The following DTNB variants were observed in gnomAD, a reference collection of about 807,000 sequenced individuals.
DTNB encodes DTN-B.
A neutral mutation model predicts 90.7 loss-of-function variants in DTNB; 63 were observed. The ratio of observed to expected loss-of-function variants is 0.69; its 90% confidence interval spans 0.57 to 0.86. The LOEUF (loss-of-function observed/expected upper bound fraction) is 0.86, where lower values mean the gene tolerates loss of function less well. Ranked by LOEUF, DTNB falls within the 40% of genes least tolerant of loss-of-function variation. DTNB has a pLI of 0.00. For synonymous variants in DTNB, 277 were observed against 286.7 expected, an observed-to-expected ratio of 0.97 and a Z score of 0.34; for missense variants, 744 against 807.1, an observed-to-expected ratio of 0.92 and a Z score of 0.95.
Position 25,584,011 on chromosome 2 carries a change from C to T in DTNB, c.604-3185G>A, listed in dbSNP as rs181771892. Among the ~76,000 whole-genome samples the T allele has an allele frequency of 8.7e-4, 132 of 152,258 alleles. 1 individual carries two copies. Among genetic ancestry groups the T allele is most frequent in the South Asian group, 1.7e-3 (8 of 4,824 alleles). ...TCCAAGCACTCTGTCTTCCACCAAC[C>T]ACGTGATCTGGAGAAAATCACTGAA... On this transcript the variant is annotated intron_variant, in intron 6 of 20. Coordinates refer to ENST00000406818, the MANE Select transcript of DTNB (RefSeq NM_021907.5).
chr2:25,586,320 G>T (rs1384422746), intron 6 of DTNB, among the ~76,000 whole-genome samples: 2 of 151,894 alleles, frequency 1.3e-5, no homozygotes, highest in Non-Finnish European at 2.9e-5. Context: ...AAACCAGCTT[G>T]GCCAACATGG....
chr2:25,639,485 C>T (rs2077765963), intron 2 of DTNB, among the ~76,000 whole-genome samples: 1 of 107,956 alleles, frequency 9.3e-6, no homozygotes, highest in South Asian at 2.9e-4. Context: ...TGTGGCCATG[C>T]CCCGTGGCTG....
chr2:25,622,953 T>C (rs1434423632), intron 4 of DTNB, among the ~76,000 whole-genome samples: 1 of 152,152 alleles, frequency 6.6e-6, no homozygotes, highest in Non-Finnish European at 1.5e-5. Flanking sequence ...AACAGTAGGA[T>C]GGCTCCAGAG....
intron 16 of DTNB, among the ~76,000 whole-genome samples, chr2:25,406,106 G>A (rs936779087): frequency 2.0e-5 from 3 of 152,016 alleles, no homozygotes; most frequent in African/African-American, 7.3e-5. Flanking sequence ...CAGGAAATAC[G>A]TGCAGAGGAG....
intron 8 of DTNB, among the ~76,000 whole-genome samples, chr2:25,531,842 C>A (rs1425741014): frequency 6.6e-6 from 1 of 152,190 alleles, no homozygotes; most frequent in Non-Finnish European, 1.5e-5. Context: ...CAAGTAATGT[C>A]AACTTTCCTT....
chr2:25,499,740 A>G (rs1382373747), intron 9 of DTNB, among the ~76,000 whole-genome samples: 1 of 152,174 alleles, frequency 6.6e-6, no homozygotes, highest in Non-Finnish European at 1.5e-5. Context: ...ACTTTGCGAG[A>G]GCAGGGACCC....
At chr2:25,587,189 C>A (rs779904057) in intron 6 of DTNB, among the ~76,000 whole-genome samples, 1 of 152,072 alleles carries the variant, frequency 6.6e-6, no homozygotes, top group Non-Finnish European at 1.5e-5. Flanking sequence ...ATCCAGCAGG[C>A]AATGAGGAGT....
At chr2:25,612,976 T>A (rs2069053379) in intron 4 of DTNB, among the ~76,000 whole-genome samples, 1 of 152,040 alleles carries the variant, frequency 6.6e-6, no homozygotes, top group Non-Finnish European at 1.5e-5. Context: ...GTACTGGAGA[T>A]CTCTAAACAT....
intron 8 of DTNB, among the ~76,000 whole-genome samples, chr2:25,560,247 A>AAAT (rs2058052527): frequency 6.6e-6 from 1 of 152,204 alleles, no homozygotes; most frequent in African/African-American, 2.4e-5. Flanking sequence ...CGTCTCAAAG[A>AAAT]AATAATAAAA....
chr2:25,503,764 A>C (rs1466018328), intron 9 of DTNB, among the ~76,000 whole-genome samples: 1 of 151,810 alleles, frequency 6.6e-6, no homozygotes, highest in African/African-American at 2.4e-5. Context: ...AACAATACAA[A>C]AAATTAGCTG....
At chr2:25,550,269 T>C (rs548098176) in intron 8 of DTNB, among the ~76,000 whole-genome samples, 2 of 152,140 alleles carry the variant, frequency 1.3e-5, no homozygotes, top group Admixed American at 6.5e-5. Context: ...CAGGTGCCTG[T>C]AGTCCCAGCT....
rs190025239 is a variant in DTNB at position 25,390,699 on chromosome 2, G to A, written c.1576-2338C>T. ...TGACCTCAGGTGATCCACCCGCCTC[G>A]GCCTCCCAAAGTGCTAGGATTACAG... On this transcript the variant is annotated intron_variant, in intron 16 of 20. Coordinates refer to ENST00000406818, the MANE Select transcript of DTNB (RefSeq NM_021907.5). Among the ~76,000 whole-genome samples, 732 of 151,868 alleles carry A rather than the reference G, an allele frequency of 4.8e-3. 6 individuals are homozygous for A. The highest frequency in any genetic ancestry group is 0.014 in the African/African-American group (599 of 41,438).
chr2:25,544,840 A>C (rs1014830786), intron 8 of DTNB, among the ~76,000 whole-genome samples: 1 of 152,196 alleles, frequency 6.6e-6, no homozygotes, highest in Non-Finnish European at 1.5e-5. Context: ...TCCACTTTGC[A>C]CTATTTCTTC....
Position 25,451,639 on chromosome 2 carries a change from C to A in DTNB, c.1170-4G>T. On this transcript the variant is annotated splice_region_variant and splice_polypyrimidine_tract_variant and intron_variant, in intron 11 of 20. Coordinates refer to ENST00000406818, the MANE Select transcript of DTNB (RefSeq NM_021907.5). ...TCGGCTAGGACTGTCCAGAACACTG[C>A]CAAGGAAATAAAAATGCAACAAGTG... The A allele has an allele frequency of 1.1e-5, 17 of 1,575,324 alleles. No individual in the cohort carries two copies. Among genetic ancestry groups the A allele is most frequent in the Non-Finnish European group, 1.5e-5 (17 of 1,158,092 alleles).
intron 10 of DTNB, among the ~76,000 whole-genome samples, chr2:25,467,048 C>T (rs190205564): frequency 1.3e-5 from 2 of 152,250 alleles, no homozygotes; most frequent in East Asian, 3.9e-4. Flanking sequence ...TTACTAATTA[C>T]CAGCTCCTCT....
chr2:25,443,956 A>G (rs2057980882), intron 12 of DTNB, among the ~76,000 whole-genome samples: 1 of 152,230 alleles, frequency 6.6e-6, no homozygotes, highest in Non-Finnish European at 1.5e-5. Context: ...TGCCTGGAGC[A>G]GCTGACAAGG....
At chr2:25,581,502 T>C (rs2061546525) in intron 6 of DTNB, among the ~76,000 whole-genome samples, 1 of 152,224 alleles carries the variant, frequency 6.6e-6, no homozygotes, top group Non-Finnish European at 1.5e-5. Context: ...TGTTATACCA[T>C]CTCCCTAGCT....
chr2:25,503,091 A>T (rs1324399050), intron 9 of DTNB, among the ~76,000 whole-genome samples: 1 of 126,868 alleles, frequency 7.9e-6, no homozygotes, highest in South Asian at 2.5e-4. Context: ...AAAAAAAAAA[A>T]GTCCAGACTG....
intron 9 of DTNB, among the ~76,000 whole-genome samples, chr2:25,500,165 T>A (rs1320012856): frequency 6.6e-6 from 1 of 152,154 alleles, no homozygotes; most frequent in East Asian, 1.9e-4. Context: ...CCTCCCAAAG[T>A]GCTGGTACTA....
Sources: gnomAD v4.1 joint callset for allele counts (sites outside exome capture counted in the v4.1 genomes callset) on GRCh38, gnomAD v4.1.1 for gene constraint, MANE v1.5 for transcripts, NCBI Gene and HGNC (gene_info 2026-07-23, HGNC 2026-07-21) for gene names.